Variants in MAGI3 observed in about 807,000 individuals in gnomAD.
The protein encoded by MAGI3 is membrane associated guanylate kinase, WW and PDZ domain containing 3.
In MAGI3, 43 loss-of-function variants were observed where a neutral mutation model predicts 121.8. The ratio of observed to expected loss-of-function variants is 0.35; its 90% CI spans 0.28 to 0.46. The LOEUF is 0.46. Among genes scored for constraint, MAGI3 ranks in the 20% least tolerant of loss-of-function variants. The pLI is 1.00. For synonymous variants in MAGI3, 553 were observed against 639.3 expected, an observed-to-expected ratio of 0.86 and a Z score of 2.04; for missense variants, 1,547 against 1,797.3, an observed-to-expected ratio of 0.86 and a Z score of 2.52.
At chr1:113,592,412 C>G (rs966900201) in intron 5 of MAGI3, among the ~76,000 whole-genome samples, 3 of 152,018 alleles carry the variant, frequency 2.0e-5, no homozygotes, top group African/African-American at 4.8e-5. Flanking sequence ...AGCAAATTGC[C>G]TACATCTGCT....
chr1:113,564,580 G>T (rs913322939), intron 2 of MAGI3, among the ~76,000 whole-genome samples: 2 of 151,990 alleles, frequency 1.3e-5, no homozygotes, highest in African/African-American at 4.8e-5. Flanking sequence ...AAAACTTAAG[G>T]AGACATTGGT....
intron 1 of MAGI3, among the ~76,000 whole-genome samples, chr1:113,543,390 A>G (rs1466067506): frequency 6.6e-6 from 1 of 152,244 alleles, no homozygotes; most frequent in Non-Finnish European, 1.5e-5. Context: ...GAAGAAATTG[A>G]TGAAGAATTT....
At chr1:113,461,901 G>A (rs953359643) in intron 1 of MAGI3, among the ~76,000 whole-genome samples, 3 of 152,048 alleles carry the variant, frequency 2.0e-5, no homozygotes, top group Non-Finnish European at 4.4e-5. Context: ...TAAAAAGTGG[G>A]CAAAGGACAT....
chr1:113,624,283 AT>A (rs1478846483), intron 9 of MAGI3, among the ~76,000 whole-genome samples: 5 of 152,154 alleles, frequency 3.3e-5, no homozygotes, highest in Admixed American at 2.0e-4. Context: ...AATCCTCCAA[AT>A]TGTTTTCCAT....
At chr1:113,399,222 C>T (rs1281308972) in intron 1 of MAGI3, among the ~76,000 whole-genome samples, 1 of 152,142 alleles carries the variant, frequency 6.6e-6, no homozygotes, top group African/African-American at 2.4e-5. Context: ...TAACAAATCT[C>T]ATGCAGGGAC....
At chr1:113,611,936 C>CTTATTTAT (rs71090712) in intron 6 of MAGI3, among the ~76,000 whole-genome samples, 9,965 of 138,740 alleles carry the variant, frequency 0.072, 364 homozygotes, top group Middle Eastern at 0.089. Flanking sequence ...CTAATCCCAA[C>CTTATTTAT]TTATTTATTT....
chr1:113,573,259 C>T (rs1343730698), intron 2 of MAGI3, among the ~76,000 whole-genome samples: 1 of 152,244 alleles, frequency 6.6e-6, no homozygotes, highest in East Asian at 1.9e-4. Flanking sequence ...TTTGCTCTTG[C>T]TTCTCTAGTT....
intron 1 of MAGI3, among the ~76,000 whole-genome samples, chr1:113,474,823 T>C (rs990555343): frequency 2.0e-5 from 3 of 152,178 alleles, no homozygotes; most frequent in African/African-American, 7.2e-5. Flanking sequence ...CTATAAATTA[T>C]TTGGGCAATA....
intron 9 of MAGI3, among the ~76,000 whole-genome samples, chr1:113,635,652 A>T (rs1160624625): frequency 2.6e-5 from 4 of 151,862 alleles, no homozygotes; most frequent in Non-Finnish European, 5.9e-5. Context: ...GGATTTTTGC[A>T]TCAATGTTCA....
At chr1:113,620,960 A>T (rs1050864182) in intron 8 of MAGI3, among the ~76,000 whole-genome samples, 4 of 152,228 alleles carry the variant, frequency 2.6e-5, no homozygotes, top group African/African-American at 9.6e-5. Context: ...GTTGACTAAT[A>T]AATGATAGTT....
intron 1 of MAGI3, among the ~76,000 whole-genome samples, chr1:113,409,602 T>C (rs1171156392): frequency 6.6e-6 from 1 of 152,094 alleles, no homozygotes; most frequent in African/African-American, 2.4e-5. Context: ...ATGTTCAACA[T>C]AGGTAAGATT....
Position 113,580,554 on chromosome 1 carries a change from C to A in MAGI3, c.446C>A (p.Ala149Asp). 6.2e-7 allele frequency: 1 copy of A among 1,608,210 alleles called. No individual in the cohort carries two copies. The highest frequency in any genetic ancestry group is 1.7e-5 in the Admixed American group (1 of 59,542). Reference sequence around the variant, plus strand: ...TCTTTTTTCTTAGGCACTACAAGGGCCCCCAGGGATGGAGAAGTACCAGGA... The same window carrying A: ...TCTTTTTTCTTAGGCACTACAAGGGACCCCAGGGATGGAGAAGTACCAGGA... Reference protein sequence around the residue: ...YLRTIPCTTRAPRDGEVPGVD... With the variant: ...YLRTIPCTTRDPRDGEVPGVD... Residue 149 changes from alanine (A) to aspartate (D), a missense_variant, in exon 3 of 21, where the codon GCC becomes GAC. Physicochemically the swap from Ala to Asp is moderately radical, Grantham distance 126. Transcript: ENST00000307546.
At chr1:113,555,259 C>T (rs1305951533) in intron 2 of MAGI3, among the ~76,000 whole-genome samples, 1 of 152,036 alleles carries the variant, frequency 6.6e-6, no homozygotes, top group African/African-American at 2.4e-5. Flanking sequence ...AAAGATTGGA[C>T]AAAATGCACA....
At chr1:113,452,419 T>C (rs940228058) in intron 1 of MAGI3, among the ~76,000 whole-genome samples, 3 of 151,396 alleles carry the variant, frequency 2.0e-5, no homozygotes, top group Non-Finnish European at 4.4e-5. Context: ...AGTATTTATG[T>C]GTTAATTTTG....
intron 1 of MAGI3, among the ~76,000 whole-genome samples, chr1:113,394,610 C>A (rs1650994323): frequency 6.6e-6 from 1 of 152,100 alleles, no homozygotes; most frequent in Admixed American, 6.5e-5. Flanking sequence ...TTCTGAAATT[C>A]CCCAGACTCT....
At chr1:113,406,226 G>A (rs1651672621) in intron 1 of MAGI3, among the ~76,000 whole-genome samples, 1 of 149,622 alleles carries the variant, frequency 6.7e-6, no homozygotes, top group East Asian at 2.0e-4. Flanking sequence ...GACTGCTTGA[G>A]CCCAGGAGTT....
At chr1:113,596,800 C>CA (rs35702050) in intron 6 of MAGI3, among the ~76,000 whole-genome samples, 201 of 147,626 alleles carry the variant, frequency 1.4e-3, no homozygotes, top group South Asian at 2.8e-3. Flanking sequence ...ATGAGTATAA[C>CA]AAAAAAAAAA....
At chr1:113,415,700 C>T (rs1652265141) in intron 1 of MAGI3, among the ~76,000 whole-genome samples, 1 of 152,004 alleles carries the variant, frequency 6.6e-6, no homozygotes, top group Non-Finnish European at 1.5e-5. Flanking sequence ...TCCAGCCTCA[C>T]ATCCAGTTAT....
intron 1 of MAGI3, among the ~76,000 whole-genome samples, chr1:113,532,792 T>G (rs999362003): frequency 1.3e-5 from 2 of 152,234 alleles, no homozygotes; most frequent in Non-Finnish European, 2.9e-5. Flanking sequence ...GTATGTATTG[T>G]AAATCTGTCT....
Sources: gnomAD v4.1 joint callset for allele counts (sites outside exome capture counted in the v4.1 genomes callset) on GRCh38, gnomAD v4.1.1 for gene constraint, MANE v1.5 for transcripts, NCBI Gene and HGNC (gene_info 2026-07-23, HGNC 2026-07-21) for gene names.